Variants in BARD1 observed in about 807,000 individuals in gnomAD.
BARD1 encodes BRCA1 associated RING domain 1, also known as BRCA1-associated RING domain protein 1.
BARD1 carries 73 observed loss-of-function variants against 77.0 expected under a neutral mutation model. The ratio of observed to expected loss-of-function variants is 0.95; its 90% CI spans 0.79 to 1.15. BARD1 has a LOEUF of 1.15. BARD1 is among the 50% of genes most tolerant of loss of function. The pLI is 0.00. For synonymous variants in BARD1, 384 were observed against 338.0 expected (o/e 1.14, Z -1.49); for missense variants, 993 against 938.8 (o/e 1.06, Z -0.75).
chr2:214,754,683 C>T (rs1345029827), intron 6 of BARD1, among the ~76,000 whole-genome samples: 1 of 152,130 alleles, frequency 6.6e-6, no homozygotes, highest in African/African-American at 2.4e-5. Context: ...CCTTACTATA[C>T]AAAGCTTACT....
intron 6 of BARD1, among the ~76,000 whole-genome samples, chr2:214,766,153 A>C (rs1219943433): frequency 7.9e-5 from 12 of 152,180 alleles, no homozygotes; most frequent in Non-Finnish European, 1.8e-4. Context: ...AAGATACAAA[A>C]TCTACATACA....
chr2:214,805,048 C>A (rs1469970749), intron 1 of BARD1, among the ~76,000 whole-genome samples: 2 of 152,142 alleles, frequency 1.3e-5, no homozygotes, highest in African/African-American at 2.4e-5. Context: ...GTAATCCCAG[C>A]TACTCAGGAG....
intron 1 of BARD1, among the ~76,000 whole-genome samples, chr2:214,797,626 A>T (rs2106146843): frequency 6.6e-6 from 1 of 152,330 alleles, no homozygotes; most frequent in East Asian, 1.9e-4. Flanking sequence ...TGCCCCAGAC[A>T]AACCAGGATA....
intron 2 of BARD1, among the ~76,000 whole-genome samples, chr2:214,793,369 T>C (rs866540811): frequency 1.3e-5 from 2 of 152,172 alleles, no homozygotes; most frequent in Admixed American, 6.5e-5. Context: ...CTGTAACCCA[T>C]ACCAGAGCTG....
At chr2:214,756,255 G>A (rs1409799770) in intron 6 of BARD1, among the ~76,000 whole-genome samples, 2 of 150,772 alleles carry the variant, frequency 1.3e-5, no homozygotes, top group African/African-American at 5.0e-5. Context: ...TAATGACCAG[G>A]AAAATGCAAA....
chr2:214,731,846 T>A (rs1004127465), intron 9 of BARD1, among the ~76,000 whole-genome samples: 1 of 152,198 alleles, frequency 6.6e-6, no homozygotes, highest in African/African-American at 2.4e-5. Flanking sequence ...AACTCAGGTA[T>A]CCCCTTCACT....
At chr2:214,751,077 T>TGC (rs1693384159) in intron 7 of BARD1, among the ~76,000 whole-genome samples, 1 of 24,950 alleles carries the variant, frequency 4.0e-5, no homozygotes, top group Non-Finnish European at 8.4e-5. Context: ...CTCTGTGAAA[T>TGC]TCTGTGTGTG....
In BARD1 at chr2:214,727,965, A is replaced by G. The variant is rs1309400645; in HGVS notation, c.*711T>C. The G allele has an allele frequency of 2.8e-5, 6 of 215,296 alleles. No individual in the cohort carries two copies. The highest frequency in any genetic ancestry group is 4.7e-5 in the Non-Finnish European group (5 of 106,862). 13.3% of individuals were successfully genotyped at this position (215,296 alleles called of 1,614,324 possible). A position where few individuals can be genotyped will look rare whatever the true frequency, so the allele number is the denominator to read the frequency against. On this transcript the variant is annotated 3_prime_UTR_variant, in exon 11 of 11. Coordinates refer to ENST00000260947, the MANE Select transcript of BARD1 (RefSeq NM_000465.4). ...ATATACACATGTAGTAGATAAACAG[A>G]GTTACAAATTGATAGTTACAAGCAA...
rs145629242 is a variant in BARD1, at chr2:214,792,353, C to T, written c.308G>A (p.Ser103Asn). 59 of 1,613,096 alleles carry T rather than the reference C, an allele frequency of 3.7e-5. No individual in the cohort carries two copies. In the African/African-American group the frequency reaches 6.6e-4, roughly 18 times the overall value. ...QDLKINRQLD[S>N]MIQLCSKLRN... is the part of the protein sequence containing the mutation. ...AAGCTTACTACAAAGTTGAATCATGCTGTCCAGTTGTCTATTTATCTTCAA... is the reference window on the plus strand; with the variant it reads ...AAGCTTACTACAAAGTTGAATCATGTTGTCCAGTTGTCTATTTATCTTCAA... The change falls in exon 3 of 11, where the codon AGC becomes AAC. Residue 103 changes from serine (S) to asparagine (N), a missense_variant. Ser to Asn is a conservative substitution (Grantham distance 46, BLOSUM62 1). Transcript: ENST00000260947.
At chr2:214,780,470 A>T in intron 4 of BARD1, 90 bp downstream of exon 4, 1 of 1,083,206 alleles carries the variant, frequency 9.2e-7, no homozygotes, top group Non-Finnish European at 1.4e-6. Flanking sequence ...TAATTATCCT[A>T]GTAATCCTAT....
At chr2:214,740,921 G>C (rs1424718064) in intron 9 of BARD1, among the ~76,000 whole-genome samples, 1 of 151,772 alleles carries the variant, frequency 6.6e-6, no homozygotes, top group African/African-American at 2.4e-5. Flanking sequence ...TAAATAATTA[G>C]CAAAGTCTGT....
At chr2:214,782,245 T>C (rs1235641301) in intron 3 of BARD1, among the ~76,000 whole-genome samples, 1 of 152,148 alleles carries the variant, frequency 6.6e-6, no homozygotes, top group Non-Finnish European at 1.5e-5. Flanking sequence ...CATAATCTCT[T>C]AAGCAAAATA....
intron 1 of BARD1, among the ~76,000 whole-genome samples, chr2:214,809,034 G>A (rs1208260166): frequency 1.3e-5 from 2 of 152,226 alleles, no homozygotes; most frequent in South Asian, 2.1e-4. Flanking sequence ...CTCCCGGAAA[G>A]CAGCGGGGTA....
At chr2:214,770,676 T>C (rs1274296269) in intron 4 of BARD1, among the ~76,000 whole-genome samples, 1 of 152,138 alleles carries the variant, frequency 6.6e-6, no homozygotes, top group African/African-American at 2.4e-5. Context: ...TCCAACTAAA[T>C]CCTACTATAA....
At chr2:214,765,258 T>C (rs1482500764) in intron 6 of BARD1, among the ~76,000 whole-genome samples, 3 of 152,148 alleles carry the variant, frequency 2.0e-5, no homozygotes, top group African/African-American at 4.8e-5. Flanking sequence ...CTTCACTAGG[T>C]AGTCCTACTT....
At chr2:214,749,229 A>C (rs2106029170) in intron 7 of BARD1, among the ~76,000 whole-genome samples, 1 of 151,540 alleles carries the variant, frequency 6.6e-6, no homozygotes, top group East Asian at 1.9e-4. Context: ...ACCTGAAATG[A>C]GAGTATGTTT....
At chr2:214,766,582 T>C (rs1309658999) in intron 6 of BARD1, among the ~76,000 whole-genome samples, 1 of 151,696 alleles carries the variant, frequency 6.6e-6, no homozygotes, top group Non-Finnish European at 1.5e-5. Flanking sequence ...AGCACAGTTA[T>C]CCCCATTGCT....
At chr2:214,795,919 C>A (rs6747962) in intron 2 of BARD1, among the ~76,000 whole-genome samples, 18,816 of 152,168 alleles carry the variant, frequency 0.12, 1,360 homozygotes, top group Non-Finnish European at 0.17. Context: ...CCCCCATCCT[C>A]CTGCTGGATA....
At chr2:214,785,273 CA>C (rs1695219538) in intron 3 of BARD1, among the ~76,000 whole-genome samples, 1 of 152,014 alleles carries the variant, frequency 6.6e-6, no homozygotes, top group African/African-American at 2.4e-5. Flanking sequence ...TCTTCATTGA[CA>C]AATCATACAA....
Sources: gnomAD v4.1 joint callset for allele counts (sites outside exome capture counted in the v4.1 genomes callset) on GRCh38, gnomAD v4.1.1 for gene constraint, MANE v1.5 for transcripts, NCBI Gene and HGNC (gene_info 2026-07-23, HGNC 2026-07-21) for gene names.